Variants in TTC27 observed in about 807,000 individuals in gnomAD.
TTC27 encodes tetratricopeptide repeat protein 27.
Under a neutral mutation model 115.9 loss-of-function variants are expected in TTC27, and 79 were observed. The ratio of observed to expected loss-of-function variants is 0.68; its 90% CI spans 0.57 to 0.82. The LOEUF (loss-of-function observed/expected upper bound fraction) is 0.82. Ranked by LOEUF, TTC27 falls within the 40% of genes least tolerant of loss-of-function variation. The probability of loss-of-function intolerance (pLI) is 0.00; values close to 1 mark genes in which losing one functional copy is unlikely to be tolerated. For missense variants in TTC27, 1,054 were observed against 993.1 expected (o/e 1.06, Z -0.82); for synonymous variants, 401 against 356.0 (o/e 1.13, Z -1.42).
chr2:32,654,318 A>G (rs574961412), intron 5 of TTC27, among the ~76,000 whole-genome samples: 178 of 152,330 alleles, frequency 1.2e-3, no homozygotes, highest in African/African-American at 4.0e-3. Context: ...GTCTTTAATT[A>G]TATTAACTAG....
At chr2:32,651,490 G>A (rs1236368147) in intron 5 of TTC27, among the ~76,000 whole-genome samples, 2 of 152,154 alleles carry the variant, frequency 1.3e-5, no homozygotes, top group Non-Finnish European at 2.9e-5. Flanking sequence ...GGGATTACAG[G>A]CATGTGCCAC....
intron 13 of TTC27, among the ~76,000 whole-genome samples, chr2:32,758,985 C>G (rs1278374382): frequency 1.3e-5 from 2 of 151,906 alleles, no homozygotes; most frequent in African/African-American, 4.8e-5. Context: ...CACACAAATA[C>G]ATTTAAATGT....
chr2:32,657,969 A>T (rs971200976), intron 5 of TTC27, among the ~76,000 whole-genome samples: 1 of 152,200 alleles, frequency 6.6e-6, no homozygotes. Context: ...AGCTGGCATT[A>T]CAGGCGCGTG....
In TTC27 at chr2:32,678,132, G is replaced by A. The variant is rs567818920; in HGVS notation, c.1053-724G>A. On this transcript the variant is annotated intron_variant, in intron 8 of 19. Transcript: ENST00000317907. The stretch of plus-strand genomic sequence containing the variant: ...TAGCTGGGAATGGTGGCGTACGCCT[G>A]TAGTCCCAGTTACTCAGGAGGCTGA... 5.3e-5 allele frequency among the ~76,000 whole-genome samples: 8 copies of A among 151,874 alleles called. No individual in the cohort carries two copies. The East Asian group carries it at 1.6e-3, about 30-fold the overall frequency.
chr2:32,701,426 T>C (rs1036994779), intron 9 of TTC27, among the ~76,000 whole-genome samples: 27 of 152,358 alleles, frequency 1.8e-4, no homozygotes, highest in African/African-American at 5.8e-4. Flanking sequence ...TAAAATAATA[T>C]AAAGGTGTTC....
At chr2:32,810,555 G>A (rs1284509361) in intron 16 of TTC27, among the ~76,000 whole-genome samples, 1 of 152,186 alleles carries the variant, frequency 6.6e-6, no homozygotes, top group Non-Finnish European at 1.5e-5. Context: ...AGATCAATTT[G>A]AGATCTATGT....
chr2:32,817,487 G>T lies in TTC27; in HGVS notation c.2339G>T (p.Ser780Ile), dbSNP rs1175571803. The change falls in exon 19 of 20, where the codon AGT (serine) becomes ATT (isoleucine). Residue 780 changes from serine (S) to isoleucine (I), a missense_variant. Transcript: ENST00000317907. ...ATAAAATGCAGTAAAAACAAATCCA[G>T]TTCCCAAGAAGCTGTACAAATGCTT... Reference protein sequence around the residue: ...VAIKCSKNKSSSQEAVQMLSS... With the variant: ...VAIKCSKNKSISQEAVQMLSS... 6.2e-7 allele frequency: 1 copy of T among 1,613,994 alleles called. No individual in the cohort carries two copies. The highest frequency in any genetic ancestry group is 1.7e-5 in the Admixed American group (1 of 60,012).
intron 14 of TTC27, among the ~76,000 whole-genome samples, chr2:32,781,338 T>A (rs1670170857): frequency 6.6e-6 from 1 of 152,000 alleles, no homozygotes; most frequent in Non-Finnish European, 1.5e-5. Flanking sequence ...TATTTCAACG[T>A]CTCTTTCATT....
chr2:32,787,973 C>T (rs1670404610), intron 16 of TTC27, among the ~76,000 whole-genome samples: 1 of 152,144 alleles, frequency 6.6e-6, no homozygotes, highest in Non-Finnish European at 1.5e-5. Context: ...CTGAAATTTT[C>T]CATTGAGATA....
chr2:32,802,279 ATTTAGTTT>A (rs1670976176), intron 16 of TTC27, among the ~76,000 whole-genome samples: 2 of 152,108 alleles, frequency 1.3e-5, no homozygotes, highest in Admixed American at 6.5e-5. Flanking sequence ...AAATGCATTT[ATTTAGTTT>A]TTTAAAGTTA....
rs1436359499 is a variant in TTC27, at chr2:32,628,381, G to C, written c.88+1G>C. On this transcript the variant is annotated splice_donor_variant, in intron 1 of 19. Transcript: ENST00000317907. LOFTEE classifies it high-confidence loss of function. Reference sequence around the variant, plus strand: ...AAACAGGAGGGGGTCGTCGGTTCAGGTGAGAGGCGCACCTACCGGGCCTTA... The same window carrying C: ...AAACAGGAGGGGGTCGTCGGTTCAGCTGAGAGGCGCACCTACCGGGCCTTA... 1 of 1,591,326 alleles carries C rather than the reference G, an allele frequency of 6.3e-7. No homozygotes were observed. Among genetic ancestry groups the C allele is most frequent in the Non-Finnish European group, 8.5e-7 (1 of 1,171,140 alleles).
intron 7 of TTC27, among the ~76,000 whole-genome samples, chr2:32,669,403 G>C (rs41410549): frequency 0.18 from 27,642 of 152,244 alleles, 3,368 homozygotes; most frequent in African/African-American, 0.34. Context: ...GTATGGATTA[G>C]ATAGAAACAT....
At chr2:32,796,603 T>G (rs1172843881) in intron 16 of TTC27, among the ~76,000 whole-genome samples, 1 of 152,090 alleles carries the variant, frequency 6.6e-6, no homozygotes, top group Admixed American at 6.5e-5. Flanking sequence ...CATGAAGAAA[T>G]AGGAAATCTG....
At chr2:32,656,570 A>G (rs1377986289) in intron 5 of TTC27, among the ~76,000 whole-genome samples, 2 of 152,140 alleles carry the variant, frequency 1.3e-5, no homozygotes, top group African/African-American at 4.8e-5. Context: ...GATCACGAGG[A>G]TGCTGGATTT....
At chr2:32,640,716 C>T (rs764085129) in intron 4 of TTC27, among the ~76,000 whole-genome samples, 2 of 152,146 alleles carry the variant, frequency 1.3e-5, no homozygotes, top group Non-Finnish European at 2.9e-5. Flanking sequence ...GGCATGGTGG[C>T]TCACGTCTGT....
chr2:32,787,017 C>G lies in TTC27; in HGVS notation c.1866C>G (p.Leu622=). Residue 622 remains leucine (L), a synonymous_variant, in exon 16 of 20, where the codon CTC becomes CTG. Transcript: ENST00000317907. ...VKAFRTLQEA[L]KCNYEHWQIW... ...CTTTTAGAACTTTACAAGAAGCTCT[C>G]AAGTGTAACTATGAACACTGGCAGA... The G allele has an allele frequency of 6.2e-7, 1 of 1,613,708 alleles. No homozygotes were observed. The highest frequency in any genetic ancestry group is 1.3e-5 in the African/African-American group (1 of 75,024).
intron 16 of TTC27, among the ~76,000 whole-genome samples, chr2:32,800,095 T>A (rs903976902): frequency 6.6e-6 from 1 of 152,214 alleles, no homozygotes; most frequent in Non-Finnish European, 1.5e-5. Context: ...TTGTGAGGAT[T>A]AAATAAGTTA....
chr2:32,688,223 T>C (rs1388347744), intron 9 of TTC27, among the ~76,000 whole-genome samples: 1 of 152,158 alleles, frequency 6.6e-6, no homozygotes, highest in Non-Finnish European at 1.5e-5. Context: ...TTAAACTGCA[T>C]ATTTTATCCA....
At chr2:32,676,164 C>T (rs1386113611) in intron 8 of TTC27, among the ~76,000 whole-genome samples, 1 of 151,944 alleles carries the variant, frequency 6.6e-6, no homozygotes, top group Admixed American at 6.6e-5. Flanking sequence ...TCCCTAGACT[C>T]TTGCTGTTCA....
Sources: allele counts gnomAD v4.1 joint callset (sites outside exome capture counted in the v4.1 genomes callset), GRCh38; gene constraint gnomAD v4.1.1; transcripts MANE v1.5; gene names NCBI Gene and HGNC (gene_info 2026-07-23, HGNC 2026-07-21).